The following SVIL variants were observed in gnomAD, a reference collection of about 807,000 sequenced individuals.
The protein encoded by SVIL is supervillin.
A neutral mutation model predicts 240.4 loss-of-function variants in SVIL; 101 were observed. The ratio of observed to expected loss-of-function variants is 0.42; its 90% CI spans 0.36 to 0.50. SVIL has a LOEUF of 0.50. SVIL is among the 20% of genes least tolerant of loss of function. The pLI, the probability that SVIL is intolerant of heterozygous loss-of-function variation, is 0.01. For synonymous variants in SVIL, 999 were observed against 1,100.0 expected, an observed-to-expected ratio of 0.91 and a Z score of 1.82; for missense variants, 2,512 against 2,818.7, an observed-to-expected ratio of 0.89 and a Z score of 2.46.
Position 29,522,511 on chromosome 10 carries a change from G to C in SVIL, c.3288C>G (p.Leu1096=), listed in dbSNP as rs554977123. The C allele has an allele frequency of 9.9e-6, 16 of 1,614,228 alleles. No homozygotes were observed. The South Asian group carries it at 1.8e-4, about 18-fold the overall frequency. ...CAAACATCGCACATGGATTCTTGCA[G>C]AGCTTCTCCTGTGGCTGTTCCGAAG... The part of the protein sequence containing the change: ...QDSSEQPQEK[L]CKNPCAMFAA... The change falls in exon 16 of 38, where the codon CTC becomes CTG. Residue 1096 remains leucine (L), a synonymous_variant. Transcript: ENST00000355867.
chr10:29,656,370 C>T (rs1280730746), intron 3 of SVIL, among the ~76,000 whole-genome samples: 1 of 151,942 alleles, frequency 6.6e-6, no homozygotes, highest in Non-Finnish European at 1.5e-5. Context: ...AAAGTCCCCA[C>T]CCATCACTCT....
chr10:29,509,548 T>C (rs1012555969), intron 17 of SVIL, among the ~76,000 whole-genome samples: 4 of 152,138 alleles, frequency 2.6e-5, no homozygotes, highest in Admixed American at 2.6e-4. Flanking sequence ...GATCTTTTAG[T>C]ATAGAAATGA....
intron 16 of SVIL, among the ~76,000 whole-genome samples, chr10:29,519,974 C>T (rs181049677): frequency 9.5e-4 from 115 of 120,454 alleles, no homozygotes; most frequent in Non-Finnish European, 1.6e-3. Context: ...TACGTCTTTC[C>T]AGTATCTCAC....
intron 7 of SVIL, among the ~76,000 whole-genome samples, chr10:29,533,979 A>G (rs1261167146): frequency 6.6e-6 from 1 of 152,234 alleles, no homozygotes; most frequent in East Asian, 1.9e-4. Flanking sequence ...TTCAAGATAC[A>G]ACAATCACCT....
At chr10:29,565,136 C>A (rs28655575) in intron 2 of SVIL, among the ~76,000 whole-genome samples, 1 of 152,102 alleles carries the variant, frequency 6.6e-6, no homozygotes, top group Non-Finnish European at 1.5e-5. Context: ...ACTTACCTTG[C>A]GGTACAAATG....
chr10:29,535,952 C>A, intron 7 of SVIL, 37 bp downstream of exon 7: 1 of 1,610,246 alleles, frequency 6.2e-7, no homozygotes, highest in East Asian at 2.2e-5. Context: ...AAGCAACACT[C>A]ATGCACACAA....
At chr10:29,531,661 C>G (rs1486997047) in intron 9 of SVIL, among the ~76,000 whole-genome samples, 1 of 152,176 alleles carries the variant, frequency 6.6e-6, no homozygotes, top group Non-Finnish European at 1.5e-5. Context: ...TAAAATTCCT[C>G]AGTTATTTTC....
rs74129740 is a variant in SVIL, at chr10:29,595,353, G to A, written c.-200-26041C>T. Among the ~76,000 whole-genome samples, 406 of 152,246 alleles carry A rather than the reference G, an allele frequency of 2.7e-3. 3 individuals carry two copies. The highest frequency in any genetic ancestry group is 9.0e-3 in the African/African-American group (375 of 41,528). On this transcript the variant is annotated intron_variant, in intron 1 of 37. Coordinates refer to ENST00000355867, the MANE Select transcript of SVIL (RefSeq NM_021738.3). ...CTAGGGTAAGAATGGAGCCCCACCC[G>A]GCACCCTCAGAGCAGCACGGCTCTG...
intron 8 of SVIL, among the ~76,000 whole-genome samples, 177 bp downstream of exon 8, chr10:29,532,352 T>G (rs1951430894): frequency 6.6e-6 from 1 of 152,288 alleles, no homozygotes; most frequent in African/African-American, 2.4e-5. Context: ...TAGTTCCCCA[T>G]TAGTAGGCAG....
At chr10:29,501,702 G>A (rs1252358602) in intron 17 of SVIL, among the ~76,000 whole-genome samples, 2 of 152,112 alleles carry the variant, frequency 1.3e-5, no homozygotes, top group African/African-American at 4.8e-5. Flanking sequence ...TAAACGATGA[G>A]GTTCACTTGC....
chr10:29,510,268 A>G (rs1949730898), intron 17 of SVIL, among the ~76,000 whole-genome samples: 1 of 152,208 alleles, frequency 6.6e-6, no homozygotes, highest in African/African-American at 2.4e-5. Flanking sequence ...TTCTTTTGAG[A>G]CCAATCCATT....
intron 1 of SVIL, among the ~76,000 whole-genome samples, chr10:29,572,777 A>AAG (rs1046614583): frequency 7.3e-5 from 11 of 149,660 alleles, no homozygotes; most frequent in African/African-American, 2.7e-4. Context: ...AAAAAAAAAA[A>AAG]AAAAGAAAAA....
intron 1 of SVIL, among the ~76,000 whole-genome samples, chr10:29,722,222 T>TAAAAAAAA (rs367974093): frequency 8.5e-6 from 1 of 117,738 alleles, no homozygotes; most frequent in African/African-American, 3.0e-5. Flanking sequence ...GACTCTGTCT[T>TAAAAAAAA]AAAAAAAAAA....
upstream of SVIL, among the ~76,000 whole-genome samples, chr10:29,637,600 T>C (rs1043116126): frequency 6.6e-6 from 1 of 152,242 alleles, no homozygotes; most frequent in Admixed American, 6.5e-5. Context: ...ACACATAACA[T>C]AGATCAGTGG....
intron 7 of SVIL, among the ~76,000 whole-genome samples, chr10:29,533,876 C>G (rs1368109378): frequency 2.0e-5 from 3 of 152,188 alleles, no homozygotes; most frequent in Non-Finnish European, 4.4e-5. Context: ...GGGGAAGGTT[C>G]CTGGCATACA....
rs1469190082 is a variant in SVIL, at chr10:29,634,797, C to T, written c.-578G>A. The T allele has an allele frequency of 6.6e-6, 1 of 152,118 alleles. No individual in the cohort carries two copies. The highest frequency in any genetic ancestry group is 1.5e-5 in the Non-Finnish European group (1 of 68,032). The allele number at this position is 152,118 out of a possible 1,614,324, so 9.4% of individuals were successfully genotyped here. A position where few individuals can be genotyped will look rare whatever the true frequency, so the allele number is the denominator to read the frequency against. On this transcript the variant is annotated 5_prime_UTR_variant, in exon 1 of 38. It introduces an in-frame stop codon into an upstream open reading frame of the 5' UTR. Coordinates refer to ENST00000355867, the MANE Select transcript of SVIL (RefSeq NM_021738.3). ...AAGGCTACATCCCAAAAGTTCCTCT[C>T]CAAAAAGAACGCCAAAATATTAATA...
chr10:29,648,397 C>T (rs774044739), intron 3 of SVIL, among the ~76,000 whole-genome samples: 13 of 152,188 alleles, frequency 8.5e-5, no homozygotes, highest in Admixed American at 5.2e-4. Context: ...GTTATTTGCA[C>T]AGATCCACTC....
Position 29,462,361 on chromosome 10 carries a change from G to A in SVIL, c.6318C>T (p.Ile2106=), listed in dbSNP as rs141303213. 1,037 of 1,614,194 alleles carry A rather than the reference G, an allele frequency of 6.4e-4. 5 individuals carry two copies. In the African/African-American group the frequency reaches 0.013, roughly 20 times the overall value. ...LKKPAPKSYL[I]HAGLEPLTFT... is the part of the protein sequence containing the mutation. ...ATGTCAGGGGCTCCAGACCAGCGTG[G>A]ATAAGGTAAGACTTGGGGGCTGGTT... Residue 2106 remains isoleucine, a synonymous_variant, in exon 36 of 38, where the codon ATC becomes ATT. Transcript: ENST00000355867.
intron 6 of SVIL, among the ~76,000 whole-genome samples, chr10:29,536,277 G>A (rs758270117): frequency 3.3e-5 from 5 of 152,106 alleles, no homozygotes; most frequent in Non-Finnish European, 7.4e-5. Context: ...GCAGGAGGGC[G>A]GGGATGGAAA....
Sources: gnomAD v4.1 joint callset for allele counts (sites outside exome capture counted in the v4.1 genomes callset) on GRCh38, gnomAD v4.1.1 for gene constraint, MANE v1.5 for transcripts, NCBI Gene and HGNC (gene_info 2026-07-23, HGNC 2026-07-21) for gene names.